Variants in SDK1 observed in about 807,000 individuals in gnomAD.
The protein encoded by SDK1 is sidekick cell adhesion molecule 1.
Under a neutral mutation model 245.5 loss-of-function variants are expected in SDK1, and 157 were observed. The ratio of observed to expected loss-of-function variants is 0.64; its 90% CI spans 0.56 to 0.73. The LOEUF is 0.73. SDK1 is among the 30% of genes least tolerant of loss of function. SDK1 has a pLI of 0.00. For synonymous variants in SDK1, 1,647 were observed against 1,278.5 expected, an observed-to-expected ratio of 1.29 and a Z score of -6.15; for missense variants, 3,583 against 3,002.3, an observed-to-expected ratio of 1.19 and a Z score of -4.52.
chr7:4,047,070 T>A (rs1236931026), intron 17 of SDK1, among the ~76,000 whole-genome samples: 1 of 152,194 alleles, frequency 6.6e-6, no homozygotes, highest in Non-Finnish European at 1.5e-5. Context: ...TAAACTTGTA[T>A]CTATTTTATG....
intron 25 of SDK1, among the ~76,000 whole-genome samples, chr7:4,124,787 G>T (rs1784272335): frequency 1.3e-5 from 2 of 152,200 alleles, no homozygotes; most frequent in African/African-American, 4.8e-5. Context: ...CTCAGTCTCT[G>T]TGTAATGAGG....
intron 1 of SDK1, among the ~76,000 whole-genome samples, chr7:3,429,698 G>A (rs981526545): frequency 1.3e-5 from 2 of 151,044 alleles, no homozygotes; most frequent in African/African-American, 2.4e-5. Context: ...CTGGGCTCAA[G>A]CAATCCTCCC....
chr7:3,649,253 C>G (rs1339462467), intron 4 of SDK1, among the ~76,000 whole-genome samples: 1 of 151,998 alleles, frequency 6.6e-6, no homozygotes, highest in African/African-American at 2.4e-5. Context: ...AAGGACAGGT[C>G]CTCTGTGGAG....
chr7:3,398,937 T>C (rs1339231885), intron 1 of SDK1, among the ~76,000 whole-genome samples: 1 of 152,086 alleles, frequency 6.6e-6, no homozygotes. Flanking sequence ...ACCTCAGTTC[T>C]CTGGTGTATC....
intron 35 of SDK1, among the ~76,000 whole-genome samples, chr7:4,193,985 C>T (rs1783389282): frequency 6.6e-6 from 1 of 152,148 alleles, no homozygotes; most frequent in African/African-American, 2.4e-5. Context: ...ACTCTCTAAA[C>T]AATTCACGCC....
At chr7:3,362,107 T>A (rs902208243) in intron 1 of SDK1, among the ~76,000 whole-genome samples, 1 of 152,200 alleles carries the variant, frequency 6.6e-6, no homozygotes, top group South Asian at 2.1e-4. Context: ...CTAGTTCTTA[T>A]AATAGCATTT....
At chr7:4,112,427 T>G (rs1783407066) in intron 23 of SDK1, among the ~76,000 whole-genome samples, 1 of 152,124 alleles carries the variant, frequency 6.6e-6, no homozygotes, top group South Asian at 2.1e-4. Flanking sequence ...TGATTTGGGG[T>G]TCAAGATATT....
At chr7:3,661,613 C>T (rs891193658) in intron 4 of SDK1, among the ~76,000 whole-genome samples, 1 of 152,166 alleles carries the variant, frequency 6.6e-6, no homozygotes, top group African/African-American at 2.4e-5. Flanking sequence ...ATTTTAAAAA[C>T]TGTTTCTAAA....
At chr7:3,314,145 A>T (rs1009273202) in intron 1 of SDK1, among the ~76,000 whole-genome samples, 2 of 152,128 alleles carry the variant, frequency 1.3e-5, no homozygotes, top group African/African-American at 4.8e-5. Context: ...GATAAGTGTT[A>T]AATAGGACCC....
intron 1 of SDK1, among the ~76,000 whole-genome samples, chr7:3,409,736 A>G (rs926258454): frequency 5.3e-5 from 8 of 151,970 alleles, no homozygotes; most frequent in African/African-American, 1.9e-4. Flanking sequence ...AAAGAAGTTG[A>G]GAGGAGAACC....
chr7:4,205,787 G>C lies in SDK1; in HGVS notation c.5099-92G>C, dbSNP rs977708011. The C allele has an allele frequency of 3.9e-6, 4 of 1,016,372 alleles. No individual in the cohort carries two copies. The African/African-American group carries it at 4.8e-5, about 12-fold the overall frequency. 63.0% of individuals were successfully genotyped at this position (1,016,372 alleles called of 1,614,324 possible). A position where few individuals can be genotyped will look rare whatever the true frequency, so the allele number is the denominator to read the frequency against. On this transcript the variant is annotated intron_variant, in intron 35 of 44. Transcript: ENST00000404826. ...TCTCACATGGTTCCCAGCGGAATTA[G>C]GGCATGCTCGAGCCCCATGGGCATG...
At chr7:3,950,100 A>G (rs952721404) in intron 5 of SDK1, among the ~76,000 whole-genome samples, 1 of 152,238 alleles carries the variant, frequency 6.6e-6, no homozygotes, top group African/African-American at 2.4e-5. Context: ...GGAAAATGCC[A>G]AACAGTTTAA....
chr7:3,566,514 C>T (rs1310974118), intron 1 of SDK1, among the ~76,000 whole-genome samples: 1 of 151,968 alleles, frequency 6.6e-6, no homozygotes, highest in East Asian at 1.9e-4. Context: ...CGTGAGCCAC[C>T]ACGCCCGGCC....
At chr7:3,578,150 T>G (rs1028646431) in intron 1 of SDK1, among the ~76,000 whole-genome samples, 4 of 152,146 alleles carry the variant, frequency 2.6e-5, no homozygotes, top group South Asian at 4.2e-4. Flanking sequence ...TATTTTCCAT[T>G]AGCATACAAA....
At chr7:3,640,943 A>T (rs1365627352) in intron 3 of SDK1, among the ~76,000 whole-genome samples, 1 of 152,010 alleles carries the variant, frequency 6.6e-6, no homozygotes, top group Non-Finnish European at 1.5e-5. Flanking sequence ...CGGCCTCCCA[A>T]AGTGCTGGGA....
At chr7:4,009,541 G>A (rs1304410825) in intron 14 of SDK1, among the ~76,000 whole-genome samples, 1 of 152,230 alleles carries the variant, frequency 6.6e-6, no homozygotes, top group Non-Finnish European at 1.5e-5. Flanking sequence ...ACAGAGAGGG[G>A]GATCCTCATC....
intron 2 of SDK1, among the ~76,000 whole-genome samples, chr7:3,629,096 TC>T (rs1782207323): frequency 6.7e-6 from 1 of 150,010 alleles, no homozygotes; most frequent in South Asian, 2.1e-4. Flanking sequence ...ATTGAGACCA[TC>T]CTGGCTAACA....
At chr7:3,665,693 C>G (rs112868964) in intron 4 of SDK1, among the ~76,000 whole-genome samples, 1 of 152,132 alleles carries the variant, frequency 6.6e-6, no homozygotes, top group African/African-American at 2.4e-5. Context: ...ACATGTCGTG[C>G]CATTCATTGA....
At chr7:4,031,724 T>C (rs1017482582) in intron 17 of SDK1, among the ~76,000 whole-genome samples, 3 of 150,766 alleles carry the variant, frequency 2.0e-5, no homozygotes, top group African/African-American at 2.4e-5. Flanking sequence ...ATTGATTATA[T>C]CAATAAATAT....
Sources: gnomAD v4.1 joint callset for allele counts (sites outside exome capture counted in the v4.1 genomes callset) on GRCh38, gnomAD v4.1.1 for gene constraint, MANE v1.5 for transcripts, NCBI Gene and HGNC (gene_info 2026-07-23, HGNC 2026-07-21) for gene names.